Variants in PTPRM observed in about 807,000 individuals in gnomAD.
PTPRM encodes the protein protein tyrosine phosphatase receptor type M.
In PTPRM, 47 loss-of-function variants were observed where a neutral mutation model predicts 186.7. That is an observed-to-expected ratio of 0.25 (90% confidence interval 0.20 to 0.32). PTPRM has a LOEUF of 0.32. Ranked by LOEUF, PTPRM falls within the 10% of genes least tolerant of loss-of-function variation. PTPRM has a pLI of 1.00. For missense variants in PTPRM, 1,494 were observed against 1,865.0 expected (o/e 0.80, Z 3.66); for synonymous variants, 668 against 674.9 (o/e 0.99, Z 0.16).
rs756257306 is a variant in PTPRM at position 7,906,565 on chromosome 18, G to T, written c.529G>T (p.Val177Leu). The T allele has an allele frequency of 6.2e-7, 1 of 1,612,490 alleles. No individual in the cohort carries two copies. Among genetic ancestry groups the T allele is most frequent in the Non-Finnish European group, 8.5e-7 (1 of 1,178,500 alleles). Residue 177 changes from valine (V) to leucine (L), a missense_variant, in exon 4 of 33, where the codon GTG becomes TTG. By Grantham distance (32) the Val-to-Leu change is conservative. Around this residue, in one of 3 missense-constraint regions of PTPRM, gnomAD observed 296 missense variants for 345.5 expected, o/e 0.86. Coordinates refer to ENST00000580170, the MANE Select transcript of PTPRM (RefSeq NM_001105244.2). ...CTATCTCGCTATCGATGAGGTGAAG[G>T]TGTTAGGACATCCATGTAGTAAGTT... Reference protein sequence around the residue: ...QGYLAIDEVKVLGHPCTRTPH... With the variant: ...QGYLAIDEVKLLGHPCTRTPH...
At chr18:8,218,401 G>A (rs1009675383) in intron 14 of PTPRM, among the ~76,000 whole-genome samples, 1 of 152,150 alleles carries the variant, frequency 6.6e-6, no homozygotes, top group Non-Finnish European at 1.5e-5. Context: ...TTGTTCTAGG[G>A]CCTTTCTTGC....
intron 3 of PTPRM, among the ~76,000 whole-genome samples, chr18:7,894,811 G>A (rs1226962555): frequency 6.6e-6 from 1 of 152,012 alleles, no homozygotes; most frequent in Non-Finnish European, 1.5e-5. Context: ...TCAAGGTACA[G>A]GAAGTCAGCT....
chr18:8,093,943 A>G (rs955653608), intron 11 of PTPRM, among the ~76,000 whole-genome samples: 1 of 152,158 alleles, frequency 6.6e-6, no homozygotes, highest in Non-Finnish European at 1.5e-5. Flanking sequence ...ACTTTATTAA[A>G]AAAAGATATT....
intron 3 of PTPRM, among the ~76,000 whole-genome samples, chr18:7,900,299 C>A (rs989768721): frequency 1.3e-5 from 2 of 152,142 alleles, no homozygotes; most frequent in Non-Finnish European, 2.9e-5. Flanking sequence ...TCATATAATT[C>A]TCTTGTATCA....
At position 7,580,822 on chromosome 18, in the gene PTPRM, A is replaced by G. The variant is rs148100985; in HGVS notation, c.73+12931A>G. ...ACACAGAGTAGTGTTTTCCTGATTTATGCTTTACTTTGATGCCATCCTCCT... is the reference window on the plus strand; with the variant it reads ...ACACAGAGTAGTGTTTTCCTGATTTGTGCTTTACTTTGATGCCATCCTCCT... On this transcript the variant is annotated intron_variant, in intron 1 of 32. Coordinates refer to ENST00000580170, the MANE Select transcript of PTPRM (RefSeq NM_001105244.2). Among the ~76,000 whole-genome samples, 286 of 152,238 alleles carry G rather than the reference A, an allele frequency of 1.9e-3. 2 individuals carry two copies. The highest frequency in any genetic ancestry group is 6.6e-3 in the African/African-American group (274 of 41,570).
chr18:7,725,345 T>G (rs551042180), intron 1 of PTPRM, among the ~76,000 whole-genome samples: 2 of 152,230 alleles, frequency 1.3e-5, no homozygotes, highest in Middle Eastern at 3.4e-3. Flanking sequence ...TTATTGTCCA[T>G]ATTTTTTGTT....
intron 7 of PTPRM, among the ~76,000 whole-genome samples, chr18:8,020,284 T>C (rs1349760287): frequency 6.6e-6 from 1 of 152,204 alleles, no homozygotes; most frequent in Non-Finnish European, 1.5e-5. Flanking sequence ...CTTTGAATTA[T>C]GGCAGTGGGA....
At chr18:8,258,261 C>T (rs2094593631) in intron 19 of PTPRM, among the ~76,000 whole-genome samples, 1 of 152,168 alleles carries the variant, frequency 6.6e-6, no homozygotes, top group Admixed American at 6.5e-5. Context: ...CTGGGGGGAA[C>T]CTTTGGGCTT....
At chr18:7,782,522 C>T (rs2042906143) in intron 2 of PTPRM, among the ~76,000 whole-genome samples, 1 of 152,174 alleles carries the variant, frequency 6.6e-6, no homozygotes, top group African/African-American at 2.4e-5. Context: ...ACAACCATCA[C>T]CATTGTCCTT....
At chr18:8,233,311 A>G (rs759612342) in intron 14 of PTPRM, among the ~76,000 whole-genome samples, 33 of 152,170 alleles carry the variant, frequency 2.2e-4, no homozygotes, top group Non-Finnish European at 4.4e-4. Context: ...TTGTTGCTCT[A>G]TATTCTTACC....
At chr18:7,733,206 A>G (rs903405959) in intron 1 of PTPRM, among the ~76,000 whole-genome samples, 11 of 152,092 alleles carry the variant, frequency 7.2e-5, no homozygotes, top group African/African-American at 2.7e-4. Context: ...CACATGCATT[A>G]GGTATTTGTC....
chr18:7,954,855 A>G (rs1309838643), intron 6 of PTPRM, among the ~76,000 whole-genome samples: 9 of 152,192 alleles, frequency 5.9e-5, no homozygotes, highest in Non-Finnish European at 4.4e-5. Flanking sequence ...TGCATATGCT[A>G]TGCACGGTGG....
intron 23 of PTPRM, among the ~76,000 whole-genome samples, chr18:8,368,622 A>G (rs1386390903): frequency 6.6e-6 from 1 of 152,200 alleles, no homozygotes; most frequent in African/African-American, 2.4e-5. Flanking sequence ...ATGGCCAGAA[A>G]GTTTCACAAG....
chr18:8,041,424 A>G (rs2086682749), intron 7 of PTPRM, among the ~76,000 whole-genome samples: 1 of 151,820 alleles, frequency 6.6e-6, no homozygotes, highest in Non-Finnish European at 1.5e-5. Flanking sequence ...TAAAGGCATG[A>G]CTTTGAGTTA....
chr18:7,679,665 A>T (rs908308338), intron 1 of PTPRM, among the ~76,000 whole-genome samples: 1 of 152,100 alleles, frequency 6.6e-6, no homozygotes, highest in Non-Finnish European at 1.5e-5. Context: ...ACTCTGTCTC[A>T]AAAACAAACA....
intron 1 of PTPRM, among the ~76,000 whole-genome samples, chr18:7,745,274 G>A (rs78161739): frequency 0.02 from 2,986 of 152,202 alleles, 97 homozygotes; most frequent in African/African-American, 0.067. Context: ...CATATATCTG[G>A]CCAGCTATTT....
At chr18:7,947,543 G>C (rs1387273369) in intron 5 of PTPRM, among the ~76,000 whole-genome samples, 1 of 152,038 alleles carries the variant, frequency 6.6e-6, no homozygotes, top group Non-Finnish European at 1.5e-5. Context: ...TTTTAATATA[G>C]CCTGCAAGTC....
chr18:8,352,659 T>TTTTG (rs1568809657), intron 23 of PTPRM, among the ~76,000 whole-genome samples: 2 of 128,638 alleles, frequency 1.6e-5, no homozygotes, highest in African/African-American at 2.9e-5. Context: ...TTTGGTTTTT[T>TTTTG]TTGTTTGTTT....
chr18:8,149,782 G>A (rs924383538), intron 14 of PTPRM, among the ~76,000 whole-genome samples: 4 of 152,120 alleles, frequency 2.6e-5, no homozygotes, highest in Non-Finnish European at 4.4e-5. Flanking sequence ...GCAGTGGCTG[G>A]TACCGGTTGT....
Sources: gnomAD v4.1 joint callset for allele counts (sites outside exome capture counted in the v4.1 genomes callset) on GRCh38, gnomAD v4.1.1 for gene constraint, gnomAD v4.1.1 regional missense constraint, MANE v1.5 for transcripts, NCBI Gene and HGNC (gene_info 2026-07-23, HGNC 2026-07-21) for gene names.